Variants in PARD3 observed in about 807,000 individuals in gnomAD.
PARD3 encodes par-3 family cell polarity regulator, also known as partitioning defective 3 homolog.
In PARD3, 75 loss-of-function variants were observed where a neutral mutation model predicts 155.4. The observed-to-expected ratio is 0.48, with a 90% CI of 0.40 to 0.58. PARD3 has a LOEUF of 0.58. Among genes scored for constraint, PARD3 ranks in the 20% least tolerant of loss-of-function variants. The probability of loss-of-function intolerance (pLI) is 0.00; values close to 1 mark genes in which losing one functional copy is unlikely to be tolerated. For synonymous variants in PARD3, 576 were observed against 610.5 expected, an observed-to-expected ratio of 0.94 and a Z score of 0.83; for missense variants, 1,642 against 1,721.7, an observed-to-expected ratio of 0.95 and a Z score of 0.82.
intron 2 of PARD3, among the ~76,000 whole-genome samples, chr10:34,650,075 C>A (rs2092959206): frequency 6.6e-6 from 1 of 152,188 alleles, no homozygotes; most frequent in Non-Finnish European, 1.5e-5. Flanking sequence ...CTCCTGAAGG[C>A]CCTGCCTGAA....
At chr10:34,672,605 G>T (rs2093629343) in intron 2 of PARD3, among the ~76,000 whole-genome samples, 1 of 152,136 alleles carries the variant, frequency 6.6e-6, no homozygotes, top group African/African-American at 2.4e-5. Context: ...ACTGCTCGAG[G>T]TCAGGAGTTC....
intron 2 of PARD3, among the ~76,000 whole-genome samples, chr10:34,692,777 G>C (rs994260064): frequency 6.6e-6 from 1 of 152,202 alleles, no homozygotes; most frequent in Non-Finnish European, 1.5e-5. Flanking sequence ...GGGAGGCTGA[G>C]GCCAGAGAAT....
chr10:34,501,543 T>C (rs901101565), intron 3 of PARD3, among the ~76,000 whole-genome samples: 3 of 152,246 alleles, frequency 2.0e-5, no homozygotes, highest in African/African-American at 7.2e-5. Flanking sequence ...AGATCATTAC[T>C]GTTCATTACT....
intron 5 of PARD3, among the ~76,000 whole-genome samples, chr10:34,427,468 G>C (rs1288973155): frequency 6.6e-6 from 1 of 152,122 alleles, no homozygotes; most frequent in Non-Finnish European, 1.5e-5. Context: ...TAGTCAGACC[G>C]GTTCTCTGCT....
intron 19 of PARD3, among the ~76,000 whole-genome samples, chr10:34,319,168 A>T (rs1321518677): frequency 6.8e-6 from 1 of 147,662 alleles, no homozygotes; most frequent in Non-Finnish European, 1.5e-5. Flanking sequence ...GGCTCACTGC[A>T]ATCTCCACCT....
chr10:34,196,576 T>C (rs978925500), intron 22 of PARD3, among the ~76,000 whole-genome samples: 14 of 142,740 alleles, frequency 9.8e-5, no homozygotes, highest in Admixed American at 1.4e-4. Flanking sequence ...TTCTTTTTTT[T>C]TTTTTTTTTT....
At chr10:34,563,131 T>C (rs1772089466) in intron 2 of PARD3, among the ~76,000 whole-genome samples, 1 of 152,202 alleles carries the variant, frequency 6.6e-6, no homozygotes, top group African/African-American at 2.4e-5. Context: ...CAGTTAACTC[T>C]ATACTAACCA....
intron 2 of PARD3, among the ~76,000 whole-genome samples, chr10:34,611,266 T>G (rs1251632250): frequency 6.6e-6 from 1 of 152,218 alleles, no homozygotes; most frequent in African/African-American, 2.4e-5. Flanking sequence ...ACTAGCTACT[T>G]CTACAACATA....
intron 20 of PARD3, among the ~76,000 whole-genome samples, chr10:34,290,390 T>C (rs1309055053): frequency 6.6e-6 from 1 of 152,234 alleles, no homozygotes; most frequent in Non-Finnish European, 1.5e-5. Flanking sequence ...CCTAGAAATC[T>C]GTTATTTCTC....
At chr10:34,806,498 C>T (rs1473294751) in intron 1 of PARD3, among the ~76,000 whole-genome samples, 1 of 152,054 alleles carries the variant, frequency 6.6e-6, no homozygotes, top group Non-Finnish European at 1.5e-5. Context: ...CTATGCCTGG[C>T]TAATTTTTTT....
chr10:34,413,140 T>TACACACACACACACAC lies in PARD3; in HGVS notation c.715-11224_715-11223insGTGTGTGTGTGTGTGT, dbSNP rs774389489. Reference sequence around the variant, plus strand: ...AAAACATTAGGCAGTACTTCAGATATATATACACACACACACACACACACA... The same window carrying TACACACACACACACAC: ...AAAACATTAGGCAGTACTTCAGATATACACACACACACACACATATACACACACACACACACACACA... On this transcript the variant is annotated intron_variant, in intron 5 of 24. Transcript: ENST00000374788. Among the ~76,000 whole-genome samples the TACACACACACACACAC allele has an allele frequency of 1.6e-3, 179 of 113,832 alleles. 1 individual carries two copies. The highest frequency in any genetic ancestry group is 5.3e-3 in the African/African-American group (167 of 31,538). The allele number at this position is 113,832 out of a possible 152,430, so 74.7% of individuals were successfully genotyped here.
At chr10:34,384,002 A>G (rs1256561724) in intron 8 of PARD3, 127 bp downstream of exon 8, 3 of 874,420 alleles carry the variant, frequency 3.4e-6, no homozygotes, top group Middle Eastern at 3.0e-4. Flanking sequence ...TTTAAAAGCT[A>G]ATGGCAGAAA....
intron 4 of PARD3, among the ~76,000 whole-genome samples, chr10:34,458,879 A>C (rs1180905372): frequency 1.3e-5 from 2 of 152,220 alleles, no homozygotes; most frequent in Non-Finnish European, 2.9e-5. Context: ...AGCCACCAGC[A>C]TTCCACTATC....
intron 3 of PARD3, among the ~76,000 whole-genome samples, chr10:34,495,108 GA>G (rs2080182650): frequency 6.6e-6 from 1 of 151,502 alleles, no homozygotes; most frequent in South Asian, 2.1e-4. Context: ...GGGGGCAAAA[GA>G]AAATGTTAAA....
chr10:34,697,950 C>T (rs1438263617), intron 1 of PARD3, among the ~76,000 whole-genome samples: 1 of 152,000 alleles, frequency 6.6e-6, no homozygotes, highest in African/African-American at 2.4e-5. Flanking sequence ...GTCCCAAAAC[C>T]ATTTACTGAT....
intron 2 of PARD3, among the ~76,000 whole-genome samples, chr10:34,557,947 A>AT (rs1452832021): frequency 6.6e-6 from 1 of 151,912 alleles, no homozygotes; most frequent in African/African-American, 2.4e-5. Context: ...CAAAAAAAAA[A>AT]AAAAAAGAAA....
chr10:34,573,594 C>G (rs565314619), intron 2 of PARD3, among the ~76,000 whole-genome samples: 1 of 152,162 alleles, frequency 6.6e-6, no homozygotes, highest in East Asian at 1.9e-4. Context: ...GTAGTACCAA[C>G]TACTAAGGAG....
rs372120780 is a variant in PARD3, at chr10:34,201,483, A to G, written c.3419+68174T>C. ...CAAAGAGAACTATAATTAGAAGGAA[A>G]TGAAAAGCCATCTATACTAAGGGCA... On this transcript the variant is annotated intron_variant, in intron 22 of 24. Coordinates refer to ENST00000374788, the MANE Select transcript of PARD3 (RefSeq NM_001184785.2). 1.5e-4 allele frequency among the ~76,000 whole-genome samples: 23 copies of G among 152,328 alleles called. No homozygotes were observed. The South Asian group carries it at 4.6e-3, about 30-fold the overall frequency.
chr10:34,600,421 T>C (rs1281139893), intron 2 of PARD3, among the ~76,000 whole-genome samples: 1 of 152,010 alleles, frequency 6.6e-6, no homozygotes, highest in Non-Finnish European at 1.5e-5. Context: ...TTGTTGTTAT[T>C]TATGGAACAC....
Sources: allele counts gnomAD v4.1 joint callset (sites outside exome capture counted in the v4.1 genomes callset), GRCh38; gene constraint gnomAD v4.1.1; transcripts MANE v1.5; gene names NCBI Gene and HGNC (gene_info 2026-07-23, HGNC 2026-07-21).